MYRIP: variants seen among roughly 807,000 people sequenced by gnomAD.
MYRIP encodes myosin VIIA and Rab interacting protein, also known as rab effector MyRIP.
MYRIP carries 49 observed loss-of-function variants against 98.0 expected under a neutral mutation model. The observed-to-expected ratio is 0.50, with a 90% CI of 0.40 to 0.63. The LOEUF is 0.63. Ranked by LOEUF, MYRIP falls within the 30% of genes least tolerant of loss-of-function variation. The pLI is 0.00. For missense variants in MYRIP, 1,004 were observed against 1,058.2 expected (o/e 0.95, Z 0.71); for synonymous variants, 404 against 409.5 (o/e 0.99, Z 0.16).
chr3:39,983,154 T>G (rs4676547), intron 2 of MYRIP, among the ~76,000 whole-genome samples: 73,884 of 152,108 alleles, frequency 0.49, 19,125 homozygotes, highest in African/African-American at 0.69. Flanking sequence ...TATTTGAAAA[T>G]GTCGGCCTGG....
At chr3:40,025,657 AAG>A (rs1362438369) in intron 2 of MYRIP, among the ~76,000 whole-genome samples, 3 of 152,112 alleles carry the variant, frequency 2.0e-5, no homozygotes, top group Non-Finnish European at 4.4e-5. Context: ...AATAAAGAGA[AAG>A]AGTGCAAAGA....
chr3:40,214,154 G>T (rs1461925904), intron 11 of MYRIP, among the ~76,000 whole-genome samples: 1 of 152,156 alleles, frequency 6.6e-6, no homozygotes, highest in Non-Finnish European at 1.5e-5. Context: ...CAGAAGAAAA[G>T]TGTCATCCAT....
intron 3 of MYRIP, among the ~76,000 whole-genome samples, chr3:40,102,353 G>A (rs745461518): frequency 1.3e-5 from 2 of 152,102 alleles, no homozygotes; most frequent in Admixed American, 6.5e-5. Flanking sequence ...GCCTTGATGG[G>A]GCTCTGATAT....
chr3:40,132,527 G>T (rs1949666152), intron 3 of MYRIP, among the ~76,000 whole-genome samples: 1 of 152,230 alleles, frequency 6.6e-6, no homozygotes, highest in Non-Finnish European at 1.5e-5. Flanking sequence ...GAGCAAAAGT[G>T]TAAGGCCAAA....
At chr3:40,050,950 T>C (rs887540179) in intron 3 of MYRIP, among the ~76,000 whole-genome samples, 1 of 152,116 alleles carries the variant, frequency 6.6e-6, no homozygotes, top group African/African-American at 2.4e-5. Flanking sequence ...ATGAGAAAAC[T>C]TGGACAGGTG....
At chr3:40,069,964 G>C (rs534171899) in intron 3 of MYRIP, among the ~76,000 whole-genome samples, 1 of 152,036 alleles carries the variant, frequency 6.6e-6, no homozygotes, top group Non-Finnish European at 1.5e-5. Context: ...AAAGTGGTTC[G>C]CAGTATCTTT....
intron 2 of MYRIP, among the ~76,000 whole-genome samples, chr3:39,967,671 A>T (rs1164314819): frequency 6.6e-6 from 1 of 152,146 alleles, no homozygotes; most frequent in East Asian, 1.9e-4. Flanking sequence ...TGCTTTCCAC[A>T]ATGGTTGAGC....
intron 10 of MYRIP, among the ~76,000 whole-genome samples, chr3:40,205,915 A>G (rs1359058053): frequency 6.6e-6 from 1 of 152,056 alleles, no homozygotes; most frequent in East Asian, 1.9e-4. Flanking sequence ...TTCAACTGTA[A>G]GCTTCCCATT....
chr3:40,176,863 C>T (rs1412911362), intron 8 of MYRIP, among the ~76,000 whole-genome samples: 1 of 141,836 alleles, frequency 7.1e-6, no homozygotes, highest in Admixed American at 7.1e-5. Context: ...GAGCCGAGAT[C>T]ACACCATTGC....
chr3:40,034,749 T>C (rs1947339184), intron 2 of MYRIP, among the ~76,000 whole-genome samples: 1 of 151,906 alleles, frequency 6.6e-6, no homozygotes, highest in African/African-American at 2.4e-5. Flanking sequence ...TTATAAATCA[T>C]GCTGCTATAA....
Position 40,213,731 on chromosome 3 carries a change from G to A in MYRIP, c.1905+3638G>A, listed in dbSNP as rs991969525. 3.0e-4 allele frequency among the ~76,000 whole-genome samples: 46 copies of A among 152,096 alleles called. 1 individual carries two copies. The highest frequency in any genetic ancestry group is 1.1e-3 in the African/African-American group (45 of 41,414). On this transcript the variant is annotated intron_variant, in intron 11 of 16. Transcript: ENST00000302541. ...TTCTTAACCATGGTAGTGCACACTA[G>A]CCCAAAGTCCAACTACCTGAGGACC... is the stretch of plus-strand genomic sequence containing the variant.
At chr3:39,815,399 ATG>A (rs772232777) in intron 1 of MYRIP, among the ~76,000 whole-genome samples, 104 of 151,632 alleles carry the variant, frequency 6.9e-4, no homozygotes, top group African/African-American at 2.0e-3. Context: ...CATCATATAT[ATG>A]TGTGTGTGTG....
intron 3 of MYRIP, among the ~76,000 whole-genome samples, chr3:40,137,870 G>A (rs1029284428): frequency 4.6e-5 from 7 of 152,110 alleles, no homozygotes; most frequent in Admixed American, 6.5e-5. Flanking sequence ...AGTTTCAATG[G>A]GAAGATGGCC....
At chr3:40,037,219 C>G (rs549478731) in intron 2 of MYRIP, among the ~76,000 whole-genome samples, 1 of 152,084 alleles carries the variant, frequency 6.6e-6, no homozygotes, top group Admixed American at 6.6e-5. Context: ...ACATTTGTCT[C>G]AGGTGAGCCA....
intron 13 of MYRIP, among the ~76,000 whole-genome samples, chr3:40,247,194 A>C (rs1953233154): frequency 6.6e-6 from 1 of 152,090 alleles, no homozygotes; most frequent in Non-Finnish European, 1.5e-5. Flanking sequence ...CTAGACTTAA[A>C]TTATTGTAGC....
intron 1 of MYRIP, among the ~76,000 whole-genome samples, chr3:39,875,616 A>G (rs1459363048): frequency 6.6e-6 from 1 of 151,056 alleles, no homozygotes; most frequent in Non-Finnish European, 1.5e-5. Flanking sequence ...GTCATTCAGG[A>G]GCAGGTTGTT....
At chr3:40,098,584 A>C (rs1188100533) in intron 3 of MYRIP, among the ~76,000 whole-genome samples, 2 of 152,200 alleles carry the variant, frequency 1.3e-5, no homozygotes, top group East Asian at 3.8e-4. Flanking sequence ...ATGCATACTC[A>C]CAGAGGGAAG....
chr3:39,855,753 G>T (rs1377564390), intron 1 of MYRIP, among the ~76,000 whole-genome samples: 3 of 152,066 alleles, frequency 2.0e-5, no homozygotes, highest in Admixed American at 2.0e-4. Flanking sequence ...CATGGCTTTT[G>T]GACCTTGCCT....
chr3:40,066,584 T>C (rs2125854341), intron 3 of MYRIP, among the ~76,000 whole-genome samples: 1 of 152,342 alleles, frequency 6.6e-6, no homozygotes, highest in Non-Finnish European at 1.5e-5. Context: ...GTTGTACCTC[T>C]AGTTTGAATG....
Sources: allele counts gnomAD v4.1 joint callset (sites outside exome capture counted in the v4.1 genomes callset), GRCh38; gene constraint gnomAD v4.1.1; transcripts MANE v1.5; gene names NCBI Gene and HGNC (gene_info 2026-07-23, HGNC 2026-07-21).